The following ESYT2 variants were observed in gnomAD, a reference collection of about 807,000 sequenced individuals.
ESYT2 encodes the protein extended synaptotagmin-2.
Under a neutral mutation model 107.2 loss-of-function variants are expected in ESYT2, and 54 were observed. The ratio of observed to expected loss-of-function variants is 0.50; its 90% CI spans 0.40 to 0.63. The LOEUF (loss-of-function observed/expected upper bound fraction) is 0.63. ESYT2 is among the 30% of genes least tolerant of loss of function. The probability of loss-of-function intolerance (pLI) is 0.00; values close to 1 mark genes in which losing one functional copy is unlikely to be tolerated. For synonymous variants in ESYT2, 491 were observed against 434.1 expected, an observed-to-expected ratio of 1.13 and a Z score of -1.63; for missense variants, 1,020 against 1,094.5, an observed-to-expected ratio of 0.93 and a Z score of 0.96.
chr7:158,756,921 A>C (rs842430), intron 13 of ESYT2, among the ~76,000 whole-genome samples: 2 of 127,624 alleles, frequency 1.6e-5, no homozygotes, highest in Non-Finnish European at 1.7e-5. Flanking sequence ...AATTAAAAAA[A>C]AAAAAAAAAA....
intron 10 of ESYT2, among the ~76,000 whole-genome samples, chr7:158,762,548 T>C (rs953200431): frequency 2.1e-4 from 32 of 148,922 alleles, no homozygotes; most frequent in African/African-American, 7.5e-4. Flanking sequence ...TCAGAAATAA[T>C]TGATATTAAC....
chr7:158,793,838 G>C (rs1839380443), intron 3 of ESYT2, 112 bp from the exon 4 acceptor site: 1 of 855,764 alleles, frequency 1.2e-6, no homozygotes, highest in Non-Finnish European at 1.8e-6. Context: ...ACTACAACAG[G>C]AATTAAAATT....
chr7:158,747,399 TAAG>T (rs1311572039), intron 16 of ESYT2, among the ~76,000 whole-genome samples: 1 of 150,976 alleles, frequency 6.6e-6, no homozygotes, highest in Non-Finnish European at 1.5e-5. Context: ...AACTCAGTAT[TAAG>T]AAGACAAATA....
chr7:158,783,478 T>C (rs1329912718), intron 6 of ESYT2, among the ~76,000 whole-genome samples: 15 of 152,198 alleles, frequency 9.9e-5, no homozygotes, highest in Admixed American at 9.2e-4. Context: ...TTAGCAGATC[T>C]GGGCTGTTGG....
At chr7:158,758,956 C>CAGTA (rs1374749807) in intron 13 of ESYT2, among the ~76,000 whole-genome samples, 1 of 152,178 alleles carries the variant, frequency 6.6e-6, no homozygotes, top group African/African-American at 2.4e-5. Flanking sequence ...TTGTATCTGG[C>CAGTA]AGTAGGTCAT....
Position 158,782,684 on chromosome 7 carries a change from GAA to G in ESYT2, c.747+5318_747+5319del, listed in dbSNP as rs1838952360. Among the ~76,000 whole-genome samples the G allele has an allele frequency of 5.3e-5, 8 of 152,306 alleles. No individual in the cohort carries two copies. The South Asian group carries it at 1.7e-3, about 32-fold the overall frequency. On this transcript the variant is annotated intron_variant, in intron 6 of 22. Transcript: ENST00000275418. ...AGAACAAGTGTGAGAACAAATGTGA[GAA>G]TGGGTGTGAAAACGAATCTGCAAGA...
At chr7:158,758,893 G>A (rs552039653) in intron 13 of ESYT2, among the ~76,000 whole-genome samples, 3 of 152,246 alleles carry the variant, frequency 2.0e-5, no homozygotes, top group South Asian at 2.1e-4. Context: ...TTTTCTCTAC[G>A]AATGAACAAT....
At chr7:158,781,185 ATG>A (rs1838778841) in intron 6 of ESYT2, among the ~76,000 whole-genome samples, 1 of 152,158 alleles carries the variant, frequency 6.6e-6, no homozygotes, top group Non-Finnish European at 1.5e-5. Context: ...GAGAGAACAA[ATG>A]AGAACAAGTA....
At chr7:158,755,594 T>C (rs1207586092) in intron 13 of ESYT2, among the ~76,000 whole-genome samples, 4 of 152,180 alleles carry the variant, frequency 2.6e-5, no homozygotes, top group African/African-American at 9.7e-5. Context: ...CAAAAAATTA[T>C]TTTCTTAAAA....
At chr7:158,823,834 T>C (rs1280152227) in intron 1 of ESYT2, among the ~76,000 whole-genome samples, 2 of 152,168 alleles carry the variant, frequency 1.3e-5, no homozygotes, top group African/African-American at 4.8e-5. Flanking sequence ...CCATAACTGA[T>C]CTTCACAGGA....
chr7:158,771,000 TAAAAA>T (rs1838347787), intron 7 of ESYT2, among the ~76,000 whole-genome samples: 1 of 151,772 alleles, frequency 6.6e-6, no homozygotes. Context: ...AAATGAAAAA[TAAAAA>T]TAAAATAGCT....
rs1189103319 is a variant in ESYT2, at chr7:158,828,796, C to T, written c.330+293G>A. ...TCTGCACTCGCCCTAGCGGGCAGGT[C>T]GCCAGCAGGCTGGGAGTCGGGGCCG... On this transcript the variant is annotated intron_variant, in intron 1 of 22. Coordinates refer to ENST00000275418, the MANE Select transcript of ESYT2 (RefSeq NM_001367773.1). Among the ~76,000 whole-genome samples the T allele has an allele frequency of 2.1e-5, 3 of 144,216 alleles. No homozygotes were observed. In the East Asian group the frequency reaches 6.0e-4, roughly 29 times the overall value. The allele number at this position is 144,216 out of a possible 152,430, so 94.6% of individuals were successfully genotyped here.
intron 16 of ESYT2, 41 bp from the exon 17 acceptor site, chr7:158,743,719 A>G (rs1260481848): frequency 6.3e-7 from 1 of 1,582,920 alleles, no homozygotes; most frequent in African/African-American, 1.4e-5. Flanking sequence ...AACTAGGATC[A>G]TGTCTGCAGA....
chr7:158,766,168 CA>C (rs974927908), intron 8 of ESYT2, among the ~76,000 whole-genome samples: 78 of 141,868 alleles, frequency 5.5e-4, no homozygotes, highest in South Asian at 8.9e-4. Flanking sequence ...GACTCCATCT[CA>C]AAAAAAAAAA....
intron 1 of ESYT2, among the ~76,000 whole-genome samples, chr7:158,804,383 GCGAGTGACAAACCCAAAC>G (rs1839750743): frequency 2.7e-5 from 4 of 147,720 alleles, no homozygotes; most frequent in African/African-American, 1.0e-4. Context: ...GAAGGGTGAG[GCGAGTGACAAACCCAAAC>G]TGTTGAGAAA....
chr7:158,748,879 C>T (rs1837493499), intron 15 of ESYT2, among the ~76,000 whole-genome samples: 1 of 151,388 alleles, frequency 6.6e-6, no homozygotes, highest in Admixed American at 6.6e-5. Flanking sequence ...GCCACCATGC[C>T]CAGCTAATTT....
intron 6 of ESYT2, among the ~76,000 whole-genome samples, chr7:158,784,016 A>AGTC (rs1839020616): frequency 1.3e-5 from 2 of 152,156 alleles, no homozygotes. Flanking sequence ...GGGCAGGTGC[A>AGTC]GACCCTCTCC....
intron 1 of ESYT2, among the ~76,000 whole-genome samples, chr7:158,823,963 AATG>A (rs1296645729): frequency 3.3e-5 from 5 of 152,342 alleles, no homozygotes; most frequent in Admixed American, 6.5e-5. Context: ...TTAAATGTAG[AATG>A]ATAATAATAT....
intron 16 of ESYT2, 71 bp downstream of exon 16, chr7:158,748,123 C>G: frequency 7.0e-7 from 1 of 1,431,794 alleles, no homozygotes; most frequent in Non-Finnish European, 9.8e-7. Context: ...CGGGTCACAA[C>G]TCAGCAAATT....
Sources: gnomAD v4.1 joint callset for allele counts (sites outside exome capture counted in the v4.1 genomes callset) on GRCh38, gnomAD v4.1.1 for gene constraint, MANE v1.5 for transcripts, NCBI Gene and HGNC (gene_info 2026-07-23, HGNC 2026-07-21) for gene names.